Variants in MME observed in about 807,000 individuals in gnomAD.
MME encodes the protein membrane metalloendopeptidase, also known as neprilysin.
MME carries 98 observed loss-of-function variants against 113.2 expected under a neutral mutation model. That is an observed-to-expected ratio of 0.87 (90% CI 0.74 to 1.02). The LOEUF (loss-of-function observed/expected upper bound fraction) is 1.02, where lower values mean the gene tolerates loss of function less well. Among genes scored for constraint, MME ranks in the 50% least tolerant of loss-of-function variants. The pLI is 0.00. For synonymous variants in MME, 292 were observed against 300.6 expected (o/e 0.97, Z 0.30); for missense variants, 836 against 896.0 (o/e 0.93, Z 0.86).
intron 1 of MME, among the ~76,000 whole-genome samples, chr3:155,052,790 C>A (rs1713804915): frequency 6.6e-6 from 1 of 152,246 alleles, no homozygotes; most frequent in South Asian, 2.1e-4. Context: ...CAAATTACTG[C>A]AGCAGGCTTA....
At chr3:155,167,892 C>A (rs1439804463) in intron 18 of MME, among the ~76,000 whole-genome samples, 1 of 152,128 alleles carries the variant, frequency 6.6e-6, no homozygotes, top group Non-Finnish European at 1.5e-5. Flanking sequence ...AGGTTGGCTA[C>A]ATAGCCCTTT....
chr3:155,103,167 T>C (rs939508078), intron 3 of MME, among the ~76,000 whole-genome samples: 30 of 152,248 alleles, frequency 2.0e-4, no homozygotes, highest in African/African-American at 7.0e-4. Context: ...CACTAAAATG[T>C]AAGTTTTGAC....
chr3:155,110,107 A>G (rs1480684410), intron 3 of MME, among the ~76,000 whole-genome samples: 2 of 152,236 alleles, frequency 1.3e-5, no homozygotes, highest in Non-Finnish European at 2.9e-5. Flanking sequence ...GTGGCAGGAA[A>G]GAGAGTAAGT....
At chr3:155,077,253 T>C (rs1363479638), upstream of MME, among the ~76,000 whole-genome samples, 1 of 152,214 alleles carries the variant, frequency 6.6e-6, no homozygotes, top group Admixed American at 6.5e-5. Context: ...AAAAAATTCA[T>C]CAAGCATTTG....
At chr3:155,176,748 C>T (rs974206453) in intron 22 of MME, among the ~76,000 whole-genome samples, 5 of 152,132 alleles carry the variant, frequency 3.3e-5, no homozygotes, top group Non-Finnish European at 7.4e-5. Flanking sequence ...ATTGCTTGAA[C>T]CCAGGAGGTC....
At chr3:155,027,345 C>T (rs534620752) in intron 1 of MME, among the ~76,000 whole-genome samples, 2 of 152,222 alleles carry the variant, frequency 1.3e-5, no homozygotes, top group Non-Finnish European at 2.9e-5. Context: ...TGATCTTACA[C>T]TCCTATTTCC....
upstream of MME, chr3:155,079,887 A>G (rs1429503189): frequency 6.6e-6 from 1 of 152,246 alleles, no homozygotes; most frequent in Non-Finnish European, 1.5e-5. Flanking sequence ...GGGCGGATGC[A>G]CGGACTGAGA....
chr3:155,127,425 A>G (rs1184340906), intron 8 of MME, among the ~76,000 whole-genome samples: 1 of 152,236 alleles, frequency 6.6e-6, no homozygotes, highest in Non-Finnish European at 1.5e-5. Context: ...GTAGACAAAT[A>G]GTTAACCTTT....
At chr3:155,050,063 T>G (rs752645984) in intron 1 of MME, among the ~76,000 whole-genome samples, 1 of 152,172 alleles carries the variant, frequency 6.6e-6, no homozygotes, top group Non-Finnish European at 1.5e-5. Flanking sequence ...TAGCTCCCAG[T>G]TGTAAGTGAG....
intron 8 of MME, among the ~76,000 whole-genome samples, chr3:155,119,170 G>A (rs181948525): frequency 6.6e-6 from 1 of 152,236 alleles, no homozygotes; most frequent in Admixed American, 6.5e-5. Context: ...TGCTGGTGAG[G>A]ACCAGAGGGT....
At chr3:155,167,268 T>C (rs945471352) in intron 18 of MME, among the ~76,000 whole-genome samples, 1 of 152,150 alleles carries the variant, frequency 6.6e-6, no homozygotes, top group African/African-American at 2.4e-5. Flanking sequence ...GGGAAAATAC[T>C]ATGGTGTTTG....
intron 1 of MME, among the ~76,000 whole-genome samples, chr3:155,073,211 T>A (rs1465497329): frequency 6.6e-6 from 1 of 152,056 alleles, no homozygotes; most frequent in Non-Finnish European, 1.5e-5. Flanking sequence ...GTCAGCTAAA[T>A]CCAATAGAGG....
Position 155,057,065 on chromosome 3 carries a change from G to A in MME, c.-10-27093G>A, listed in dbSNP as rs189821582. ...GGACTTCATGTCTAACACACCAAAA[G>A]CAATGGCAATAAAAGCCAAAACTGA... On this transcript the variant is annotated intron_variant, in intron 1 of 22. Transcript: ENST00000492661. Among the ~76,000 whole-genome samples, 1,064 of 152,224 alleles carry A rather than the reference G, an allele frequency of 7.0e-3. 5 individuals carry two copies. The highest frequency in any genetic ancestry group is 0.011 in the Non-Finnish European group (748 of 68,020).
chr3:155,160,505 T>A (rs369264670), intron 17 of MME, 57 bp downstream of exon 17: 9 of 1,140,562 alleles, frequency 7.9e-6, no homozygotes, highest in Middle Eastern at 2.5e-4. Flanking sequence ...CAACCTGTAG[T>A]GCATTGTATG....
At chr3:155,041,410 T>C (rs559776296) in intron 1 of MME, among the ~76,000 whole-genome samples, 4 of 152,206 alleles carry the variant, frequency 2.6e-5, no homozygotes, top group Non-Finnish European at 5.9e-5. Context: ...GTGGATTTCA[T>C]GTTAGGTGTT....
At chr3:155,148,413 T>C in intron 15 of MME, 137 bp from the exon 16 acceptor site, 1 of 635,626 alleles carries the variant, frequency 1.6e-6, no homozygotes, top group Non-Finnish European at 2.8e-6. Context: ...TGGAACTACA[T>C]CCTTTTTTGG....
intron 22 of MME, among the ~76,000 whole-genome samples, chr3:155,179,953 T>G (rs1036739868): frequency 5.9e-5 from 9 of 152,234 alleles, no homozygotes; most frequent in African/African-American, 2.2e-4. Flanking sequence ...ATTATATTCT[T>G]TGACCAAACT....
In MME at chr3:155,044,133, T is replaced by C. The variant is rs540754980; in HGVS notation, c.-11+19809T>C. Among the ~76,000 whole-genome samples, 18 of 144,262 alleles carry C rather than the reference T, an allele frequency of 1.2e-4. 1 individual carries two copies. In the South Asian group the frequency reaches 2.2e-3, roughly 18 times the overall value. The allele number at this position is 144,262 out of a possible 152,430, so 94.6% of individuals were successfully genotyped here. Reference sequence around the variant, plus strand: ...ATATTTTCTTCCTTTTTCTTTTTTTTTTTTTTTTTTTTTTTGAGACAGGGG... The same window carrying C: ...ATATTTTCTTCCTTTTTCTTTTTTTCTTTTTTTTTTTTTTTGAGACAGGGG... On this transcript the variant is annotated intron_variant, in intron 1 of 22. Transcript: ENST00000492661.
In MME at chr3:155,166,915, C is replaced by T; in HGVS notation, c.1674C>T (p.Gly558=). The T allele has an allele frequency of 1.2e-6, 2 of 1,613,688 alleles. No homozygotes were observed. The highest frequency in any genetic ancestry group is 1.7e-4 in the Middle Eastern group (1 of 6,056). The change falls in exon 18 of 23, where the codon GGC becomes GGT. Residue 558 remains glycine (G), a synonymous_variant. Coordinates refer to ENST00000360490, the MANE Select transcript of MME (RefSeq NM_007289.4). ...SGRNQIVFPA[G]ILQPPFFSAQ... ...CTCTCCTTGTAGTCTTCCCAGCCGG[C>T]ATTCTGCAGCCCCCCTTCTTTAGTG...
Sources: allele counts gnomAD v4.1 joint callset (sites outside exome capture counted in the v4.1 genomes callset), GRCh38; gene constraint gnomAD v4.1.1; transcripts MANE v1.5; gene names NCBI Gene and HGNC (gene_info 2026-07-23, HGNC 2026-07-21).